ARHGAP18: variants seen among roughly 807,000 people sequenced by gnomAD.
ARHGAP18 encodes rho GTPase-activating protein 18.
In ARHGAP18, 67 loss-of-function variants were observed where a neutral mutation model predicts 86.2. That is an observed-to-expected ratio of 0.78 (90% CI 0.64 to 0.95). ARHGAP18 has a LOEUF of 0.95. ARHGAP18 is among the 40% of genes least tolerant of loss of function. ARHGAP18 has a pLI of 0.00. For synonymous variants in ARHGAP18, 283 were observed against 280.4 expected (o/e 1.01, Z -0.09); for missense variants, 691 against 780.4 (o/e 0.89, Z 1.37).
chr6:129,642,850 A>G (rs1275589402), intron 1 of ARHGAP18, among the ~76,000 whole-genome samples: 2 of 152,150 alleles, frequency 1.3e-5, no homozygotes, highest in East Asian at 1.9e-4. Flanking sequence ...GTAGAAAGAA[A>G]TTTCTAATCT....
intron 7 of ARHGAP18, among the ~76,000 whole-genome samples, chr6:129,613,294 T>C (rs1186334840): frequency 6.6e-6 from 1 of 151,974 alleles, no homozygotes; most frequent in Admixed American, 6.6e-5. Flanking sequence ...ACCACATTTT[T>C]CAAGTAACAC....
rs1562698318 is a variant in ARHGAP18, at chr6:129,625,796, T to TTATAGTATATATTATATATTTA, written c.786+3556_786+3557insTAAATATATAATATATACTATA. ...ATATTTATATATATAATATATATTT[T>TTATAGTATATATTATATATTTA]TATATTATATATTATATATTTATAT... On this transcript the variant is annotated intron_variant, in intron 5 of 14. Transcript: ENST00000368149. Among the ~76,000 whole-genome samples, 162 of 33,766 alleles carry TTATAGTATATATTATATATTTA rather than the reference T, an allele frequency of 4.8e-3. 10 individuals are homozygous for TTATAGTATATATTATATATTTA. Among genetic ancestry groups the TTATAGTATATATTATATATTTA allele is most frequent in the African/African-American group, 0.017 (152 of 9,188 alleles). The allele number at this position is 33,766 out of a possible 152,430, so 22.2% of individuals were successfully genotyped here. A position where few individuals can be genotyped will look rare whatever the true frequency, so the allele number is the denominator to read the frequency against.
intron 4 of ARHGAP18, among the ~76,000 whole-genome samples, chr6:129,633,508 G>T (rs1465763169): frequency 1.3e-5 from 2 of 151,158 alleles, no homozygotes; most frequent in Admixed American, 6.6e-5. Context: ...ACAAATGTTA[G>T]CAGAGAAACA....
intron 1 of ARHGAP18, among the ~76,000 whole-genome samples, chr6:129,649,582 A>ACTTAACAT (rs1773660688): frequency 7.0e-6 from 1 of 143,664 alleles, no homozygotes; most frequent in African/African-American, 2.6e-5. Flanking sequence ...AAAAAAAGTC[A>ACTTAACAT]CTTAACATCT....
Position 129,594,367 on chromosome 6 carries a change from C to T in ARHGAP18, c.1713+4849G>A, listed in dbSNP as rs1257353753. On this transcript the variant is annotated intron_variant, in intron 12 of 14. Transcript: ENST00000368149. Reference sequence around the variant, plus strand: ...CTGGGCTTCAGAGAAAATATACATCCTTCAACTTTCTCTTACTTCCTATTA... The same window carrying T: ...CTGGGCTTCAGAGAAAATATACATCTTTCAACTTTCTCTTACTTCCTATTA... Among the ~76,000 whole-genome samples the T allele has an allele frequency of 3.9e-5, 6 of 152,230 alleles. No individual in the cohort carries two copies. The East Asian group carries it at 1.2e-3, about 29-fold the overall frequency.
At chr6:129,668,618 A>C (rs933284325) in intron 1 of ARHGAP18, among the ~76,000 whole-genome samples, 3 of 152,014 alleles carry the variant, frequency 2.0e-5, no homozygotes, top group African/African-American at 4.8e-5. Context: ...GTCCCCCACT[A>C]TGGCCAAACA....
intron 12 of ARHGAP18, among the ~76,000 whole-genome samples, chr6:129,593,320 G>A (rs1387991207): frequency 1.3e-5 from 2 of 152,030 alleles, no homozygotes; most frequent in African/African-American, 4.8e-5. Context: ...AATTAACCAG[G>A]CATGGTGATG....
intron 1 of ARHGAP18, among the ~76,000 whole-genome samples, chr6:129,703,802 G>C (rs1471009138): frequency 6.6e-6 from 1 of 152,214 alleles, no homozygotes; most frequent in Non-Finnish European, 1.5e-5. Context: ...AGAAGAGATT[G>C]ATCTGGAAAA....
chr6:129,593,436 G>T (rs1454612043), intron 12 of ARHGAP18, among the ~76,000 whole-genome samples: 6 of 152,102 alleles, frequency 3.9e-5, no homozygotes, highest in Admixed American at 3.3e-4. Flanking sequence ...ACTTCAGCCT[G>T]GGTGAAAAAG....
At chr6:129,607,305 G>A (rs1788873786) in intron 9 of ARHGAP18, among the ~76,000 whole-genome samples, 1 of 152,098 alleles carries the variant, frequency 6.6e-6, no homozygotes, top group Non-Finnish European at 1.5e-5. Context: ...TAGGTTCACT[G>A]GAAAAAGAAT....
At chr6:129,696,137 G>A (rs906621223) in intron 1 of ARHGAP18, among the ~76,000 whole-genome samples, 1 of 152,112 alleles carries the variant, frequency 6.6e-6, no homozygotes, top group African/African-American at 2.4e-5. Flanking sequence ...TATAGCCTCT[G>A]GGATGTTTTT....
At chr6:129,654,263 TAATGCCATTCTTGTGC>T (rs1773782412) in intron 1 of ARHGAP18, among the ~76,000 whole-genome samples, 1 of 152,110 alleles carries the variant, frequency 6.6e-6, no homozygotes, top group Non-Finnish European at 1.5e-5. Context: ...GAAACACAGT[TAATGCCATTCTTGTGC>T]AATGCCACAT....
chr6:129,628,647 G>A (rs1007166042), intron 5 of ARHGAP18, among the ~76,000 whole-genome samples: 1 of 152,172 alleles, frequency 6.6e-6, no homozygotes, highest in African/African-American at 2.4e-5. Context: ...CCTCCATGCA[G>A]TAAATGTGGC....
At chr6:129,653,247 A>T (rs1402003228) in intron 1 of ARHGAP18, among the ~76,000 whole-genome samples, 2 of 152,248 alleles carry the variant, frequency 1.3e-5, no homozygotes, top group South Asian at 2.1e-4. Context: ...ATTTGTGTTT[A>T]TGTTAGAAAA....
chr6:129,578,711 T>TAA, intron 14 of ARHGAP18, 107 bp from the exon 15 acceptor site: 1 of 912,994 alleles, frequency 1.1e-6, no homozygotes, highest in Non-Finnish European at 1.6e-6. Flanking sequence ...TCAAAATACT[T>TAA]ATTCTACTTT....
At chr6:129,695,272 T>C (rs996962564) in intron 1 of ARHGAP18, among the ~76,000 whole-genome samples, 15 of 152,252 alleles carry the variant, frequency 9.9e-5, no homozygotes, top group African/African-American at 2.2e-4. Context: ...TATTTTTTTT[T>C]CCCAGAAACT....
At chr6:129,585,354 T>A (rs1346370041) in intron 12 of ARHGAP18, among the ~76,000 whole-genome samples, 3 of 152,120 alleles carry the variant, frequency 2.0e-5, no homozygotes, top group Non-Finnish European at 4.4e-5. Context: ...TGCCACTAAT[T>A]TGATTTCTTT....
intron 3 of ARHGAP18, among the ~76,000 whole-genome samples, chr6:129,637,545 A>G (rs1773359284): frequency 6.6e-6 from 1 of 152,178 alleles, no homozygotes; most frequent in Non-Finnish European, 1.5e-5. Context: ...TCTTCCGTTC[A>G]TCCTAAAGGG....
At position 129,641,780 on chromosome 6, in the gene ARHGAP18, T is replaced by C; in HGVS notation, c.316+36A>G. Reference sequence around the variant, plus strand: ...TGCATTCATTTCCTATAAATACATATACAAACAACAAAAGCTTTATTTAGT... The same window carrying C: ...TGCATTCATTTCCTATAAATACATACACAAACAACAAAAGCTTTATTTAGT... On this transcript the variant is annotated intron_variant, in intron 2 of 14. Transcript: ENST00000368149. 7.0e-6 allele frequency: 11 copies of C among 1,568,814 alleles called. No homozygotes were observed. In the South Asian group the frequency reaches 9.0e-5, roughly 13 times the overall value.
Sources: gnomAD v4.1 joint callset for allele counts (sites outside exome capture counted in the v4.1 genomes callset) on GRCh38, gnomAD v4.1.1 for gene constraint, MANE v1.5 for transcripts, NCBI Gene and HGNC (gene_info 2026-07-23, HGNC 2026-07-21) for gene names.